The following PLEC variants were observed in gnomAD, a reference collection of about 807,000 sequenced individuals.
The protein encoded by PLEC is plectin.
A neutral mutation model predicts 392.8 loss-of-function variants in PLEC; 216 were observed. The ratio of observed to expected loss-of-function variants is 0.55; its 90% CI spans 0.49 to 0.62. The LOEUF (loss-of-function observed/expected upper bound fraction) is 0.62. Among genes scored for constraint, PLEC ranks in the 20% least tolerant of loss-of-function variants. The probability of loss-of-function intolerance (pLI) is 0.00; values close to 1 mark genes in which losing one functional copy is unlikely to be tolerated. For missense variants in PLEC, 6,863 were observed against 6,563.4 expected (o/e 1.05, Z -1.58); for synonymous variants, 3,621 against 2,980.6 (o/e 1.21, Z -7.00).
At chr8:143,955,841 C>T (rs184480590), upstream of PLEC, among the ~76,000 whole-genome samples, 7 of 152,184 alleles carry the variant, frequency 4.6e-5, no homozygotes, top group African/African-American at 1.7e-4. Context: ...CTCAAGCAAT[C>T]CTCCCACCTC....
In PLEC at chr8:143,932,093, C is replaced by A. The variant is rs368736773; in HGVS notation, c.2082+37G>T. ...GCCCCGCCTGGGGACCCGGCACGGC[C>A]CCCCCCGCAGCCCCGCCCCTACCCA... is the stretch of plus-strand genomic sequence containing the variant. On this transcript the variant is annotated intron_variant, in intron 17 of 31. Coordinates refer to ENST00000345136, the MANE Select transcript of PLEC (RefSeq NM_201384.3). 1.8e-4 allele frequency: 277 copies of A among 1,579,470 alleles called. 2 individuals are homozygous for A. The highest frequency in any genetic ancestry group is 1.7e-3 in the South Asian group (152 of 87,786).
intron 17 of PLEC, 23 bp downstream of exon 17, chr8:143,932,107 C>T (rs782695806): frequency 1.3e-5 from 21 of 1,601,976 alleles, no homozygotes; most frequent in South Asian, 2.2e-5. Flanking sequence ...CCCGCAGCCC[C>T]GCCCCTACCC....
chr8:143,945,043 G>A, intron 1 of PLEC: 3 of 397,914 alleles, frequency 7.5e-6, no homozygotes, highest in Non-Finnish European at 1.4e-5. Context: ...CCCTGCAGGA[G>A]GCGGTGCAGT....
chr8:143,976,568 C>T (rs1554746087), upstream of PLEC: 1 of 152,254 alleles, frequency 6.6e-6, no homozygotes. Flanking sequence ...GTGCTGTCCT[C>T]TCGAGCGAGG....
chr8:143,935,199 C>T lies in PLEC; in HGVS notation c.717G>A (p.Glu239=). The change falls in exon 7 of 32, where the codon GAG becomes GAA. Residue 239 remains glutamate, a splice_region_variant and synonymous_variant. Transcript: ENST00000345136. ...GGGAGGAAGGCCACGCAGACGTACC[C>T]TCAGGGTCCAGGAGCCGCGTCACTC... ...DLGVTRLLDP[E]DVDVPQPDEK... 6.2e-7 allele frequency: 1 copy of T among 1,612,572 alleles called. No individual in the cohort carries two copies.
At chr8:143,952,220 A>ACACACACACGCGCG (rs782520190), upstream of PLEC, among the ~76,000 whole-genome samples, 1 of 139,784 alleles carries the variant, frequency 7.2e-6, no homozygotes, top group African/African-American at 3.0e-5. Flanking sequence ...GCGCGCACAC[A>ACACACACACGCGCG]CGCACGCGCA....
chr8:143,973,386 G>A lies in PLEC; in HGVS notation c.70+17C>T. 1 of 1,559,690 alleles carries A rather than the reference G, an allele frequency of 6.4e-7. No homozygotes were observed. Among genetic ancestry groups the A allele is most frequent in the Non-Finnish European group, 8.7e-7 (1 of 1,153,066 alleles). On this transcript the variant is annotated intron_variant, in intron 1 of 31. Coordinates refer to the PLEC transcript ENST00000356346. This position sits in a 1 kb window ranked among gnomAD's most constrained non-coding sequence, Gnocchi z 5.6. ...TGTCAGGAGCGGCCCGACAGGCAGC[G>A]GGACGGGGGGCCGTACCTTTGTACT...
chr8:143,945,689 G>T (rs1281394267), intron 1 of PLEC, among the ~76,000 whole-genome samples: 3 of 152,226 alleles, frequency 2.0e-5, no homozygotes, highest in African/African-American at 7.2e-5. Context: ...TCTGAGCCCA[G>T]GTGGCCTCCA....
rs1044915983 is a variant in PLEC, at chr8:143,916,884, C to G, written c.12937G>C (p.Glu4313Gln). 5 of 1,612,660 alleles carry G rather than the reference C, an allele frequency of 3.1e-6. No homozygotes were observed. The highest frequency in any genetic ancestry group is 3.4e-6 in the Non-Finnish European group (4 of 1,179,800). The change falls in exon 32 of 32, where the codon GAG (glutamate) becomes CAG (glutamine). Residue 4313 changes from glutamate to glutamine, a missense_variant. Physicochemically the swap from Glu to Gln is conservative, Grantham distance 29 (BLOSUM62 2). Coordinates refer to ENST00000345136, the MANE Select transcript of PLEC (RefSeq NM_201384.3). The part of the protein sequence containing the change: ...VDNITGQRLL[E>Q]AQACTGGIID... ...ATGCCCCCGGTGCAGGCCTGCGCCT[C>G]CAGCAGCCGCTGCCCCGTGATGTTA...
Position 143,934,833 on chromosome 8 carries a change from G to A in PLEC, c.922C>T (p.Pro308Ser), listed in dbSNP as rs200480932. 7.8e-5 allele frequency: 126 copies of A among 1,611,466 alleles called. No individual in the cohort carries two copies. Among genetic ancestry groups the A allele is most frequent in the Admixed American group, 2.0e-4 (12 of 59,966 alleles). ...HTAAFEERRFPSSFEEIEILW... is the reference protein window; with the variant it reads ...HTAAFEERRFSSSFEEIEILW... The stretch of plus-strand genomic sequence containing the variant: ...ACCTCAATCTCCTCGAAGCTGGAGG[G>A]GAACCTGCGTTCCTCAAAGGCGGCC... The change falls in exon 9 of 32, where the codon CCC (proline) becomes TCC (serine). Residue 308 changes from proline to serine, a missense_variant. Pro to Ser is a moderately conservative substitution (Grantham distance 74, BLOSUM62 -1). Coordinates refer to ENST00000345136, the MANE Select transcript of PLEC (RefSeq NM_201384.3).
At chr8:143,940,840 C>T (rs1193313081), upstream of PLEC, among the ~76,000 whole-genome samples, 1 of 152,192 alleles carries the variant, frequency 6.6e-6, no homozygotes, top group East Asian at 1.9e-4. Context: ...GCACAGCCAG[C>T]CCCTAGGGCT....
Position 143,916,605 on chromosome 8 carries a change from C to T in PLEC, c.13216G>A (p.Val4406Met), listed in dbSNP as rs782059675. ...CGCTGCAGGGCCTCGTCCAGGGGCA[C>T]GCGGCCCGGCGTGTCGGGCTCGATC... ...GLIEPDTPGR[V>M]PLDEALQRGT... is the part of the protein sequence containing the mutation. Residue 4406 changes from valine (V) to methionine (M), a missense_variant, in exon 32 of 32, where the codon GTG (valine) becomes ATG (methionine). Transcript: ENST00000345136. 2.4e-5 allele frequency: 38 copies of T among 1,609,892 alleles called. No homozygotes were observed. Among genetic ancestry groups the T allele is most frequent in the Middle Eastern group, 1.7e-4 (1 of 6,052 alleles).
rs373958891 is a variant in PLEC at position 143,916,639 on chromosome 8, G to A, written c.13182C>T (p.Thr4394=). 4.3e-4 allele frequency: 695 copies of A among 1,610,596 alleles called. No individual in the cohort carries two copies. Among genetic ancestry groups the A allele is most frequent in the African/African-American group, 1.3e-3 (96 of 74,996 alleles). The change falls in exon 32 of 32, where the codon ACC becomes ACT. Residue 4394 remains threonine, a synonymous_variant. Transcript: ENST00000345136. Reference sequence around the variant, plus strand: ...GCGTGTCGGGCTCGATCAAGCCGCCGGTCAGGTACTGCACCTCCAGGAAGC... The same window carrying A: ...GCGTGTCGGGCTCGATCAAGCCGCCAGTCAGGTACTGCACCTCCAGGAAGC... ...GQRFLEVQYL[T]GGLIEPDTPG...
At chr8:143,934,475 T>C (rs1554720910) in intron 10 of PLEC, 30 bp from the exon 11 acceptor site, 2 of 1,609,354 alleles carry the variant, frequency 1.2e-6, no homozygotes, top group South Asian at 1.1e-5. Context: ...TCAGGCCCTA[T>C]AGGCAGGGGG....
chr8:143,936,153 C>G, intron 5 of PLEC, 139 bp from the exon 6 acceptor site: 1 of 935,744 alleles, frequency 1.1e-6, no homozygotes, highest in Non-Finnish European at 1.7e-6. Context: ...CAGGGCAGCA[C>G]CGGGCTCCAG....
Position 143,918,293 on chromosome 8 carries a change from A to C in PLEC, c.11528T>G (p.Val3843Gly), listed in dbSNP as rs1554674705. 1 of 1,591,624 alleles carries C rather than the reference A, an allele frequency of 6.3e-7. No individual in the cohort carries two copies. The highest frequency in any genetic ancestry group is 8.5e-7 in the Non-Finnish European group (1 of 1,176,452). The change falls in exon 32 of 32, where the codon GTG (valine) becomes GGG (glycine). Residue 3843 changes from valine to glycine, a missense_variant. Transcript: ENST00000345136. Reference sequence around the variant, plus strand: ...GGTGGACGGGTCCACGTAGCTGCGCACCTCGCTGGGCTCTGACAGCTGGTC... The same window carrying C: ...GGTGGACGGGTCCACGTAGCTGCGCCCCTCGCTGGGCTCTGACAGCTGGTC... ...THDQLSEPSEVRSYVDPSTDE... is the reference protein window; with the variant it reads ...THDQLSEPSEGRSYVDPSTDE...
At chr8:143,936,847 A>C in intron 5 of PLEC, 132 bp downstream of exon 5, 1 of 729,246 alleles carries the variant, frequency 1.4e-6, no homozygotes, top group South Asian at 1.6e-5. Flanking sequence ...CCCAGGTGCC[A>C]CCATACCTAC....
rs1554689381 is a variant in PLEC at position 143,922,333 on chromosome 8, G to A, written c.7488C>T (p.Leu2496=). The change falls in exon 32 of 32, where the codon CTC becomes CTT. Residue 2496 remains leucine (L), a synonymous_variant. Coordinates refer to ENST00000345136, the MANE Select transcript of PLEC (RefSeq NM_201384.3). ...GCTGTAGCAGGCTGTCCTTTTCAGAGAGGAAGCTTTGCTGCAGGGCCTGCG... is the reference window on the plus strand; with the variant it reads ...GCTGTAGCAGGCTGTCCTTTTCAGAAAGGAAGCTTTGCTGCAGGGCCTGCG... ...QETQALQQSF[L]SEKDSLLQRE... 8 of 1,606,652 alleles carry A rather than the reference G, an allele frequency of 5.0e-6. No homozygotes were observed. The highest frequency in any genetic ancestry group is 6.8e-6 in the Non-Finnish European group (8 of 1,179,958).
chr8:143,949,548 G>C (rs1831882562), intron 1 of PLEC, among the ~76,000 whole-genome samples: 1 of 152,144 alleles, frequency 6.6e-6, no homozygotes, highest in African/African-American at 2.4e-5. Flanking sequence ...GGCCTATCTA[G>C]GCCCCAGGCT....
Sources: gnomAD v4.1 joint callset for allele counts (sites outside exome capture counted in the v4.1 genomes callset) on GRCh38, gnomAD v4.1.1 for gene constraint, Gnocchi (gnomAD v3.1) non-coding constraint, MANE v1.5 for transcripts, NCBI Gene and HGNC (gene_info 2026-07-23, HGNC 2026-07-21) for gene names.